Variants in ZEB1 observed in about 807,000 individuals in gnomAD.
ZEB1 encodes the protein zinc finger E-box-binding homeobox 1.
In ZEB1, 21 loss-of-function variants were observed where a neutral mutation model predicts 84.9. That is an observed-to-expected ratio of 0.25 (90% CI 0.18 to 0.36). The LOEUF (loss-of-function observed/expected upper bound fraction) is 0.36, where lower values mean the gene tolerates loss of function less well. ZEB1 is among the 10% of genes least tolerant of loss of function. The pLI is 1.00. For missense variants in ZEB1, 1,104 were observed against 1,330.2 expected (o/e 0.83, Z 2.65); for synonymous variants, 420 against 471.1 (o/e 0.89, Z 1.41).
At chr10:31,362,823 G>A in intron 1 of ZEB1, 2 of 922,346 alleles carry the variant, frequency 2.2e-6, no homozygotes, top group Non-Finnish European at 3.4e-6. Context: ...CACCACGCCT[G>A]CCCTGCCGTG....
chr10:31,495,669 T>C (rs2067121352), intron 2 of ZEB1, 107 bp from the exon 3 acceptor site: 1 of 1,077,858 alleles, frequency 9.3e-7, no homozygotes, highest in Non-Finnish European at 1.4e-6. Context: ...GTATACAATG[T>C]GTAATGATCA....
chr10:31,321,466 T>G lies in ZEB1; in HGVS notation c.58+2174T>G, dbSNP rs553157128. 3.7e-6 allele frequency: 6 copies of G among 1,614,056 alleles called. No homozygotes were observed. In the African/African-American group the frequency reaches 6.7e-5, roughly 18 times the overall value. On this transcript the variant is annotated intron_variant, in intron 1 of 8. Transcript: ENST00000424869. ...GCTATTGCAATTTTAATTTCCTGTT[T>G]TAGCGTCAAATAGTGTGTGTTCCAT...
chr10:31,493,540 G>A (rs981393865), intron 2 of ZEB1, among the ~76,000 whole-genome samples: 1 of 151,964 alleles, frequency 6.6e-6, no homozygotes, highest in Non-Finnish European at 1.5e-5. Flanking sequence ...ATATGTACAA[G>A]TAGATTTTAT....
intron 2 of ZEB1, among the ~76,000 whole-genome samples, chr10:31,476,818 G>A (rs1458881019): frequency 6.6e-6 from 1 of 152,010 alleles, no homozygotes; most frequent in Non-Finnish European, 1.5e-5. Flanking sequence ...ATATGATCAT[G>A]TCAATCAATA....
chr10:31,332,668 G>A (rs1453865930), intron 1 of ZEB1, among the ~76,000 whole-genome samples: 1 of 151,974 alleles, frequency 6.6e-6, no homozygotes, highest in Non-Finnish European at 1.5e-5. Flanking sequence ...TGTTTTTTTG[G>A]AGGTTATGCT....
chr10:31,418,041 G>A (rs1426944865), intron 1 of ZEB1, among the ~76,000 whole-genome samples: 1 of 151,924 alleles, frequency 6.6e-6, no homozygotes, highest in African/African-American at 2.4e-5. Flanking sequence ...GCACCAAGGA[G>A]GGAATTAGGA....
intron 1 of ZEB1, among the ~76,000 whole-genome samples, chr10:31,446,882 A>G (rs1354024858): frequency 2.0e-5 from 3 of 151,992 alleles, no homozygotes; most frequent in African/African-American, 4.8e-5. Flanking sequence ...AAAAAAATGT[A>G]TATTCTTTTG....
intron 2 of ZEB1, among the ~76,000 whole-genome samples, chr10:31,479,618 A>C (rs1210134354): frequency 2.6e-5 from 4 of 151,920 alleles, no homozygotes; most frequent in Non-Finnish European, 5.9e-5. Context: ...ATGTGACATA[A>C]GACATTAATA....
chr10:31,440,720 A>C (rs1343569050), intron 1 of ZEB1, among the ~76,000 whole-genome samples: 1 of 152,238 alleles, frequency 6.6e-6, no homozygotes, highest in East Asian at 1.9e-4. Context: ...CTCAGGATAC[A>C]AAATCTATGG....
intron 4 of ZEB1, among the ~76,000 whole-genome samples, chr10:31,506,252 T>G (rs2068960447): frequency 6.6e-6 from 1 of 152,088 alleles, no homozygotes. Flanking sequence ...TAGTAGTTGG[T>G]TAAAATGTTC....
At chr10:31,366,373 C>T (rs1000838783) in intron 1 of ZEB1, among the ~76,000 whole-genome samples, 2 of 152,168 alleles carry the variant, frequency 1.3e-5, no homozygotes, top group African/African-American at 2.4e-5. Context: ...AGGCTCCTCT[C>T]AAACTCCTGG....
intron 1 of ZEB1, among the ~76,000 whole-genome samples, chr10:31,378,182 G>C (rs1242782281): frequency 2.6e-5 from 4 of 151,434 alleles, no homozygotes; most frequent in Non-Finnish European, 4.4e-5. Context: ...TAAAAAGGCG[G>C]GAGAGTATTT....
rs72639513 is a variant in ZEB1, at chr10:31,497,429, G to A, written c.322+1591G>A. 7.4e-3 allele frequency among the ~76,000 whole-genome samples: 1,122 copies of A among 152,222 alleles called. 96 individuals carry two copies. In the East Asian group the frequency reaches 0.18, roughly 24 times the overall value. ...CTTCTCAAATTTGTGTTTAACAAAAGTTGCTGCTGAAATGTAAAATCTCCC... is the reference window on the plus strand; with the variant it reads ...CTTCTCAAATTTGTGTTTAACAAAAATTGCTGCTGAAATGTAAAATCTCCC... On this transcript the variant is annotated intron_variant, in intron 3 of 8. Transcript: ENST00000424869.
chr10:31,447,756 C>G (rs2059976421), intron 1 of ZEB1, among the ~76,000 whole-genome samples: 1 of 152,154 alleles, frequency 6.6e-6, no homozygotes, highest in Non-Finnish European at 1.5e-5. Context: ...ACTCTTCTGG[C>G]TTGTAGGGTT....
chr10:31,330,172 T>G (rs2036452518), intron 1 of ZEB1, among the ~76,000 whole-genome samples: 1 of 152,222 alleles, frequency 6.6e-6, no homozygotes, highest in African/African-American at 2.4e-5. Flanking sequence ...CATTTAGGTC[T>G]GTAATCCATT....
chr10:31,358,500 A>G (rs1259307526), intron 1 of ZEB1: 1 of 152,144 alleles, frequency 6.6e-6, no homozygotes, highest in Non-Finnish European at 1.5e-5. Context: ...GCAGGCCATA[A>G]ATGGAACAAA....
intron 2 of ZEB1, among the ~76,000 whole-genome samples, chr10:31,491,357 C>T (rs1565099714): frequency 6.6e-6 from 1 of 151,938 alleles, no homozygotes; most frequent in African/African-American, 2.4e-5. Context: ...GTTTTAAATT[C>T]TTGCAGTTAT....
chr10:31,360,105 A>G (rs1310569623), intron 1 of ZEB1, among the ~76,000 whole-genome samples: 1 of 152,202 alleles, frequency 6.6e-6, no homozygotes, highest in Non-Finnish European at 1.5e-5. Context: ...AGAGCACTTC[A>G]ATGAGTAAAG....
At chr10:31,456,176 A>G (rs1028283470) in intron 1 of ZEB1, among the ~76,000 whole-genome samples, 1 of 152,160 alleles carries the variant, frequency 6.6e-6, no homozygotes, top group African/African-American at 2.4e-5. Flanking sequence ...CAAACACCGC[A>G]TGTTCTCACT....
Sources: gnomAD v4.1 joint callset for allele counts (sites outside exome capture counted in the v4.1 genomes callset) on GRCh38, gnomAD v4.1.1 for gene constraint, MANE v1.5 for transcripts, NCBI Gene and HGNC (gene_info 2026-07-23, HGNC 2026-07-21) for gene names.